Variants in CDK14 observed in about 807,000 individuals in gnomAD.
The protein encoded by CDK14 is cyclin dependent kinase 14.
Under a neutral mutation model 60.7 loss-of-function variants are expected in CDK14, and 34 were observed. That is an observed-to-expected ratio of 0.56 (90% confidence interval 0.43 to 0.75). The LOEUF (loss-of-function observed/expected upper bound fraction) is 0.75. Among genes scored for constraint, CDK14 ranks in the 30% least tolerant of loss-of-function variants. The pLI, the probability that CDK14 is intolerant of heterozygous loss-of-function variation, is 0.00. For synonymous variants in CDK14, 197 were observed against 203.7 expected (o/e 0.97, Z 0.28); for missense variants, 482 against 564.1 (o/e 0.85, Z 1.47).
At chr7:90,857,683 G>A (rs1790869835) in intron 5 of CDK14, among the ~76,000 whole-genome samples, 2 of 152,194 alleles carry the variant, frequency 1.3e-5, no homozygotes, top group Non-Finnish European at 1.5e-5. Flanking sequence ...ATTACATGGA[G>A]TATGATTTTG....
chr7:90,943,268 G>A (rs185276805), intron 8 of CDK14, among the ~76,000 whole-genome samples: 96 of 152,226 alleles, frequency 6.3e-4, no homozygotes, highest in Non-Finnish European at 1.5e-5. Context: ...GAAGAGGTGG[G>A]GAGTGGTGGT....
At chr7:91,061,374 T>A (rs954190462) in intron 11 of CDK14, among the ~76,000 whole-genome samples, 4 of 152,234 alleles carry the variant, frequency 2.6e-5, no homozygotes, top group African/African-American at 9.6e-5. Flanking sequence ...AGTAGTTTGA[T>A]CGTCTGAAGC....
At chr7:91,043,044 G>A (rs1483221560) in intron 10 of CDK14, among the ~76,000 whole-genome samples, 2 of 152,192 alleles carry the variant, frequency 1.3e-5, no homozygotes, top group African/African-American at 4.8e-5. Context: ...AGGGTTGTAA[G>A]CAGGACAGTT....
At chr7:90,845,929 C>T (rs982363981) in intron 5 of CDK14, among the ~76,000 whole-genome samples, 2 of 152,104 alleles carry the variant, frequency 1.3e-5, no homozygotes, top group African/African-American at 4.8e-5. Flanking sequence ...TCTTTTCCAA[C>T]AGTAATCTAT....
At chr7:90,951,944 TA>T (rs1415073348) in intron 8 of CDK14, among the ~76,000 whole-genome samples, 1 of 152,060 alleles carries the variant, frequency 6.6e-6, no homozygotes, top group Non-Finnish European at 1.5e-5. Context: ...GGATGGCAGT[TA>T]AAAAACTCAA....
At chr7:90,952,903 A>C (rs1415255392) in intron 8 of CDK14, among the ~76,000 whole-genome samples, 1 of 152,152 alleles carries the variant, frequency 6.6e-6, no homozygotes, top group Non-Finnish European at 1.5e-5. Context: ...TGATGCATGA[A>C]CTGTATAAAC....
chr7:90,950,137 C>T (rs1378482064), intron 8 of CDK14, among the ~76,000 whole-genome samples: 2 of 152,136 alleles, frequency 1.3e-5, no homozygotes, highest in African/African-American at 2.4e-5. Flanking sequence ...GTTGCCCAGG[C>T]GTGATCTCGG....
chr7:91,101,750 T>G (rs2116315803), intron 12 of CDK14, among the ~76,000 whole-genome samples: 1 of 152,296 alleles, frequency 6.6e-6, no homozygotes, highest in South Asian at 2.1e-4. Context: ...TCTGTTAGTC[T>G]TTATTTTCCC....
chr7:91,060,880 G>C (rs532577152), intron 11 of CDK14, among the ~76,000 whole-genome samples: 1 of 152,158 alleles, frequency 6.6e-6, no homozygotes, highest in African/African-American at 2.4e-5. Context: ...TATGTGTCTT[G>C]GAGTTGCTCT....
intron 5 of CDK14, among the ~76,000 whole-genome samples, chr7:90,816,011 C>G (rs1274705441): frequency 6.6e-6 from 1 of 152,104 alleles, no homozygotes; most frequent in Admixed American, 6.6e-5. Context: ...GTGCAGCAAA[C>G]CACCATGGCA....
chr7:91,106,932 A>G (rs1359298827), intron 12 of CDK14, among the ~76,000 whole-genome samples: 1 of 152,186 alleles, frequency 6.6e-6, no homozygotes, highest in Non-Finnish European at 1.5e-5. Flanking sequence ...TTCTGTGCAA[A>G]CAGGTGAACT....
At chr7:91,154,404 T>A (rs1584138153) in intron 14 of CDK14, among the ~76,000 whole-genome samples, 1 of 152,240 alleles carries the variant, frequency 6.6e-6, no homozygotes, top group South Asian at 2.1e-4. Context: ...TATATAAATC[T>A]TTCCCTACAT....
intron 5 of CDK14, among the ~76,000 whole-genome samples, chr7:90,807,248 A>G (rs1788887461): frequency 6.6e-6 from 1 of 152,168 alleles, no homozygotes. Flanking sequence ...TCACATGGCC[A>G]GTTACTCCTC....
intron 5 of CDK14, among the ~76,000 whole-genome samples, chr7:90,853,592 A>G (rs1183521110): frequency 1.3e-5 from 2 of 152,154 alleles, no homozygotes. Context: ...GCCATAGCAC[A>G]GTGATTTTTA....
intron 2 of CDK14, among the ~76,000 whole-genome samples, chr7:90,642,194 A>C (rs1316054989): frequency 1.3e-5 from 2 of 152,246 alleles, no homozygotes; most frequent in Non-Finnish European, 2.9e-5. Flanking sequence ...GGTTTAAAGA[A>C]ATAATGTAAT....
intron 6 of CDK14, among the ~76,000 whole-genome samples, chr7:90,871,818 C>T (rs77674442): frequency 1.8e-4 from 27 of 152,152 alleles, no homozygotes; most frequent in African/African-American, 4.1e-4. Flanking sequence ...TCGTGCATGC[C>T]GTTTCCAGTG....
chr7:90,909,076 A>T (rs1202157315), intron 7 of CDK14, among the ~76,000 whole-genome samples: 2 of 152,196 alleles, frequency 1.3e-5, no homozygotes, highest in African/African-American at 2.4e-5. Context: ...TGTATAAAAA[A>T]GAATGGCCCT....
At position 90,904,250 on chromosome 7, in the gene CDK14, G is replaced by A. The variant is rs573139670; in HGVS notation, c.702+4897G>A. 1.7e-3 allele frequency among the ~76,000 whole-genome samples: 264 copies of A among 152,176 alleles called. 1 individual carries two copies. Among genetic ancestry groups the A allele is most frequent in the Non-Finnish European group, 3.3e-3 (223 of 68,016 alleles). ...GTGAAGGATCTGATCATTCCAAGACGACAGACCTGAAGAATCCAAGAAACT... is the reference window on the plus strand; with the variant it reads ...GTGAAGGATCTGATCATTCCAAGACAACAGACCTGAAGAATCCAAGAAACT... On this transcript the variant is annotated intron_variant, in intron 7 of 14. Transcript: ENST00000380050.
intron 10 of CDK14, among the ~76,000 whole-genome samples, chr7:90,997,074 C>A (rs559987782): frequency 1.3e-5 from 2 of 152,306 alleles, no homozygotes; most frequent in Admixed American, 1.3e-4. Context: ...TTCCCCCTCA[C>A]CAGTGAATTT....
Sources: allele counts gnomAD v4.1 joint callset (sites outside exome capture counted in the v4.1 genomes callset), GRCh38; gene constraint gnomAD v4.1.1; transcripts MANE v1.5; gene names NCBI Gene and HGNC (gene_info 2026-07-23, HGNC 2026-07-21).